Variants in LONP2 observed in about 807,000 individuals in gnomAD.
LONP2 encodes the protein lon peptidase 2, peroxisomal.
Under a neutral mutation model 85.6 loss-of-function variants are expected in LONP2, and 60 were observed. That is an observed-to-expected ratio of 0.70 (90% confidence interval 0.57 to 0.87). LONP2 has a LOEUF of 0.87. LONP2 is among the 40% of genes least tolerant of loss of function. The probability of loss-of-function intolerance (pLI) is 0.00; values close to 1 mark genes in which losing one functional copy is unlikely to be tolerated. For missense variants in LONP2, 860 were observed against 1,063.5 expected, an observed-to-expected ratio of 0.81 and a Z score of 2.66; for synonymous variants, 395 against 389.7, an observed-to-expected ratio of 1.01 and a Z score of -0.16.
At chr16:48,344,644 G>T (rs1959909872) in intron 12 of LONP2, 1 of 152,232 alleles carries the variant, frequency 6.6e-6, no homozygotes, top group Non-Finnish European at 1.5e-5. Context: ...GCTGGGCATG[G>T]TGGCTCATGC....
intron 11 of LONP2, among the ~76,000 whole-genome samples, chr16:48,310,986 G>A (rs986866057): frequency 6.6e-5 from 10 of 152,112 alleles, no homozygotes; most frequent in Non-Finnish European, 1.0e-4. Context: ...TAGAATCCCC[G>A]TCTCTTCTGG....
intron 12 of LONP2, among the ~76,000 whole-genome samples, chr16:48,336,814 C>G (rs1010154128): frequency 6.6e-6 from 1 of 152,196 alleles, no homozygotes. Context: ...ATGCAGGTCA[C>G]AGGGGATATG....
chr16:48,257,381 G>C lies in LONP2; in HGVS notation c.600+640G>C, dbSNP rs1263750792. Among the ~76,000 whole-genome samples, 7 of 152,074 alleles carry C rather than the reference G, an allele frequency of 4.6e-5. No individual in the cohort carries two copies. In the East Asian group the frequency reaches 1.3e-3, roughly 29 times the overall value. The stretch of plus-strand genomic sequence containing the variant: ...TCTTTGATTCACTATTTTTAAACGT[G>C]GAGCCATGGCCCTTCCCTTATGTGT... On this transcript the variant is annotated intron_variant, in intron 3 of 14. Coordinates refer to ENST00000285737, the MANE Select transcript of LONP2 (RefSeq NM_031490.5).
intron 7 of LONP2, among the ~76,000 whole-genome samples, chr16:48,270,723 G>A (rs1317821689): frequency 6.6e-6 from 1 of 152,076 alleles, no homozygotes; most frequent in Non-Finnish European, 1.5e-5. Flanking sequence ...CTCTTATGAA[G>A]GTTGGTTTGT....
At chr16:48,328,308 G>GT (rs1355161494) in intron 11 of LONP2, among the ~76,000 whole-genome samples, 2 of 151,288 alleles carry the variant, frequency 1.3e-5, no homozygotes, top group Non-Finnish European at 2.9e-5. Flanking sequence ...CACTTTGAGA[G>GT]GCTGTGGCGG....
intron 3 of LONP2, among the ~76,000 whole-genome samples, chr16:48,257,195 C>T (rs1187997977): frequency 1.3e-5 from 2 of 152,056 alleles, no homozygotes; most frequent in Admixed American, 6.5e-5. Flanking sequence ...CCTATAATCC[C>T]AGCTACTCGA....
At position 48,330,853 on chromosome 16, in the gene LONP2, A is replaced by G. The variant is rs941408344; in HGVS notation, c.1796-3363A>G. Among the ~76,000 whole-genome samples, 5 of 152,300 alleles carry G rather than the reference A, an allele frequency of 3.3e-5. No individual in the cohort carries two copies. The South Asian group carries it at 1.0e-3, about 32-fold the overall frequency. On this transcript the variant is annotated intron_variant, in intron 11 of 14. Coordinates refer to ENST00000285737, the MANE Select transcript of LONP2 (RefSeq NM_031490.5). ...ACACAGCTGCTGTCCCTAAATTGCCATCTTTTATAAGGTCTAGTTGCATTA... is the reference window on the plus strand; with the variant it reads ...ACACAGCTGCTGTCCCTAAATTGCCGTCTTTTATAAGGTCTAGTTGCATTA...
chr16:48,274,471 T>G (rs551759592), intron 7 of LONP2, among the ~76,000 whole-genome samples: 1 of 152,088 alleles, frequency 6.6e-6, no homozygotes, highest in South Asian at 2.1e-4. Context: ...TTTAGACGAG[T>G]ACACCCATAC....
chr16:48,351,832 G>T lies in LONP2; in HGVS notation c.*30G>T, dbSNP rs372554047. 6.4e-7 allele frequency: 1 copy of T among 1,567,272 alleles called. No homozygotes were observed. Among genetic ancestry groups the T allele is most frequent in the African/African-American group, 1.4e-5 (1 of 73,766 alleles). On this transcript the variant is annotated 3_prime_UTR_variant, in exon 15 of 15. Transcript: ENST00000285737. ...AAATCTCAATTTTTTAGAATTTTAA[G>T]TTATGAAGTGCTCAAAGGTACTGAC... is the stretch of plus-strand genomic sequence containing the variant.
At chr16:48,310,690 T>C (rs909416506) in intron 11 of LONP2, among the ~76,000 whole-genome samples, 1 of 152,222 alleles carries the variant, frequency 6.6e-6, no homozygotes, top group Non-Finnish European at 1.5e-5. Flanking sequence ...GTTCCCGCTT[T>C]GTGGTCTTCT....
intron 12 of LONP2, among the ~76,000 whole-genome samples, chr16:48,347,187 C>CTTAG (rs1410425823): frequency 2.0e-5 from 3 of 152,090 alleles, no homozygotes; most frequent in African/African-American, 7.2e-5. Context: ...AATAAAGATA[C>CTTAG]TTAGATAAAA....
At chr16:48,284,362 G>A (rs975632002) in intron 8 of LONP2, among the ~76,000 whole-genome samples, 1 of 152,152 alleles carries the variant, frequency 6.6e-6, no homozygotes, top group Non-Finnish European at 1.5e-5. Context: ...AAATGCTATC[G>A]AATAGCAATG....
intron 13 of LONP2, 28 bp downstream of exon 13, chr16:48,347,742 C>T (rs751444929): frequency 9.4e-6 from 15 of 1,596,078 alleles, no homozygotes; most frequent in Admixed American, 1.7e-5. Context: ...GCCAGGCAGG[C>T]GTGACCCAGG....
At chr16:48,266,615 C>T (rs1032016287) in intron 6 of LONP2, among the ~76,000 whole-genome samples, 3 of 152,190 alleles carry the variant, frequency 2.0e-5, no homozygotes, top group South Asian at 4.2e-4. Context: ...GAGTATGAGC[C>T]CTTTTTTCTG....
chr16:48,336,869 T>C (rs1445347059), intron 12 of LONP2, among the ~76,000 whole-genome samples: 2 of 152,184 alleles, frequency 1.3e-5, no homozygotes, highest in South Asian at 2.1e-4. Context: ...GTTTTGAGTG[T>C]TGGGAACATT....
At position 48,348,217 on chromosome 16, in the gene LONP2, T is replaced by C. The variant is rs1429731609; in HGVS notation, c.2264T>C (p.Leu755Pro). ...GVTIVTCLAS[L>P]FSGRLVRSDV... ...ACCATAGTAACCTGTCTCGCCTCAC[T>C]TTTTAGTGGGCGGCTGGTACGTTCA... Residue 755 changes from leucine (L) to proline (P), a missense_variant, in exon 14 of 15, where the codon CTT becomes CCT. Physicochemically the swap from Leu to Pro is moderately conservative, Grantham distance 98 (BLOSUM62 -3). Transcript: ENST00000285737. 3 of 1,612,016 alleles carry C rather than the reference T, an allele frequency of 1.9e-6. No homozygotes were observed. The African/African-American group carries it at 4.0e-5, about 22-fold the overall frequency.
At chr16:48,279,053 T>C (rs1972271592) in intron 8 of LONP2, among the ~76,000 whole-genome samples, 2 of 152,152 alleles carry the variant, frequency 1.3e-5, no homozygotes, top group Admixed American at 1.3e-4. Context: ...AGTTGTAATA[T>C]ATCTTATCTC....
chr16:48,301,182 T>A (rs1972796353), intron 10 of LONP2, among the ~76,000 whole-genome samples: 1 of 152,196 alleles, frequency 6.6e-6, no homozygotes, highest in Non-Finnish European at 1.5e-5. Context: ...GTTTTTCATC[T>A]TTTGTGATAA....
intron 8 of LONP2, among the ~76,000 whole-genome samples, chr16:48,277,969 C>T (rs1336426287): frequency 2.6e-5 from 4 of 151,370 alleles, no homozygotes; most frequent in Non-Finnish European, 4.4e-5. Flanking sequence ...TTTTTTCTTC[C>T]GTTGTCCCCA....
Sources: allele counts gnomAD v4.1 joint callset (sites outside exome capture counted in the v4.1 genomes callset), GRCh38; gene constraint gnomAD v4.1.1; transcripts MANE v1.5; gene names NCBI Gene and HGNC (gene_info 2026-07-23, HGNC 2026-07-21).